The following CYP27A1 variants were observed in gnomAD, a reference collection of about 807,000 sequenced individuals.
CYP27A1 encodes cytochrome P450 family 27 subfamily A member 1.
Under a neutral mutation model 58.2 loss-of-function variants are expected in CYP27A1, and 46 were observed. The observed-to-expected ratio is 0.79, with a 90% CI of 0.62 to 1.01. The LOEUF (loss-of-function observed/expected upper bound fraction) is 1.01. Among genes scored for constraint, CYP27A1 ranks in the 50% least tolerant of loss-of-function variants. The pLI, the probability that CYP27A1 is intolerant of heterozygous loss-of-function variation, is 0.00. For missense variants in CYP27A1, 704 were observed against 687.0 expected (o/e 1.02, Z -0.28); for synonymous variants, 274 against 285.1 (o/e 0.96, Z 0.39).
intron 1 of CYP27A1, among the ~76,000 whole-genome samples, chr2:218,802,391 A>G (rs1192616378): frequency 6.6e-6 from 1 of 151,972 alleles, no homozygotes; most frequent in East Asian, 1.9e-4. Flanking sequence ...TTGTTACTCC[A>G]TGCTTTTTCC....
intron 1 of CYP27A1, among the ~76,000 whole-genome samples, chr2:218,801,255 A>G (rs1943597077): frequency 6.6e-6 from 1 of 152,236 alleles, no homozygotes; most frequent in South Asian, 2.1e-4. Flanking sequence ...TTGTAATATC[A>G]GCACTTTGGG....
chr2:218,808,038 A>T (rs533099864), intron 1 of CYP27A1, among the ~76,000 whole-genome samples: 1 of 152,312 alleles, frequency 6.6e-6, no homozygotes, highest in East Asian at 1.9e-4. Context: ...CACATAATCT[A>T]TCTTGGATAT....
In CYP27A1 at chr2:218,782,567, C is replaced by A; in HGVS notation, c.255+130C>A. On this transcript the variant is annotated intron_variant, in intron 1 of 8. Transcript: ENST00000258415. The surrounding 1 kb of genome is among the most constrained non-coding windows in gnomAD (Gnocchi z 4.1). The stretch of plus-strand genomic sequence containing the variant: ...GCTGGGGACCCACTGAGGCTATGGT[C>A]ATAAACTGGAAATCAGTAGGGAGAA... The A allele has an allele frequency of 8.4e-7, 1 of 1,190,936 alleles. No homozygotes were observed. Among genetic ancestry groups the A allele is most frequent in the Non-Finnish European group, 1.2e-6 (1 of 816,852 alleles). The allele number at this position is 1,190,936 out of a possible 1,614,324, so 73.8% of individuals were successfully genotyped here.
intron 2 of CYP27A1, among the ~76,000 whole-genome samples, chr2:218,811,060 A>AG (rs1943710252): frequency 1.3e-5 from 2 of 152,206 alleles, no homozygotes; most frequent in Admixed American, 6.5e-5. Flanking sequence ...CTGAGGCAGG[A>AG]GAATCGCTTG....
intron 1 of CYP27A1, among the ~76,000 whole-genome samples, chr2:218,783,156 C>T (rs1448377148): frequency 2.7e-5 from 4 of 147,212 alleles, no homozygotes; most frequent in Non-Finnish European, 5.9e-5. Flanking sequence ...ACTAGGGAGG[C>T]TGAGGTAGGA....
At chr2:218,787,620 G>A (rs1173502127) in intron 1 of CYP27A1, among the ~76,000 whole-genome samples, 2 of 152,304 alleles carry the variant, frequency 1.3e-5, no homozygotes, top group East Asian at 3.9e-4. Context: ...TGATTGGAAT[G>A]ATTCTGAATG....
In CYP27A1 at chr2:218,813,040, A is replaced by C. The variant is rs1329215711; in HGVS notation, c.961A>C (p.Ser321Arg). 2 of 1,614,020 alleles carry C rather than the reference A, an allele frequency of 1.2e-6. No individual in the cohort carries two copies. The highest frequency in any genetic ancestry group is 2.7e-5 in the African/African-American group (2 of 74,914). The change falls in exon 5 of 9, where the codon AGT becomes CGT. Residue 321 changes from serine to arginine, a missense_variant. By Grantham distance (110) the Ser-to-Arg change is moderately radical. Transcript: ENST00000258415. The stretch of plus-strand genomic sequence containing the variant: ...CTTCTTACTGGCCAGTGGACAGCTC[A>C]GTCCTCGGGAGGCCATGGGCAGCCT... Reference protein sequence around the residue: ...LHFLLASGQLSPREAMGSLPE... With the variant: ...LHFLLASGQLRPREAMGSLPE...
At position 218,809,693 on chromosome 2, in the gene CYP27A1, C is replaced by G. The variant is rs1279153406; in HGVS notation, c.372C>G (p.Tyr124Ter). 1 of 1,614,140 alleles carries G rather than the reference C, an allele frequency of 6.2e-7. No homozygotes were observed. The highest frequency in any genetic ancestry group is 1.7e-5 in the Admixed American group (1 of 60,010). Residue 124 changes from tyrosine to a stop codon, truncating the protein, a stop_gained, in exon 2 of 9, where the codon TAC becomes TAG. Transcript: ENST00000258415. LOFTEE classifies it high-confidence loss of function. ...AAGTGATGCGGCAAGAGGGCAAGTACCCAGTACGGAACGACATGGAGCTAT... is the reference window on the plus strand; with the variant it reads ...AAGTGATGCGGCAAGAGGGCAAGTAGCCAGTACGGAACGACATGGAGCTAT... The part of the protein sequence containing the change: ...LEQVMRQEGK[Y>*]PVRNDMELWK...
intron 8 of CYP27A1, 22 bp downstream of exon 8, chr2:218,814,779 G>A (rs1490510407): frequency 6.2e-7 from 1 of 1,613,838 alleles, no homozygotes; most frequent in Admixed American, 1.7e-5. Flanking sequence ...GAGGCTAGTA[G>A]GGTGTGTGGG....
chr2:218,798,033 C>T (rs964867869), intron 1 of CYP27A1, among the ~76,000 whole-genome samples: 6 of 152,082 alleles, frequency 3.9e-5, no homozygotes, highest in South Asian at 2.1e-4. Context: ...GACAGAGTCT[C>T]GCCCTGTCAC....
chr2:218,809,763 AC>A lies in CYP27A1; in HGVS notation c.444del (p.Thr149ArgfsTer13). On this transcript the variant is annotated frameshift_variant, in exon 2 of 9. Coordinates refer to ENST00000258415, the MANE Select transcript of CYP27A1 (RefSeq NM_000784.4). LOFTEE classifies it high-confidence loss of function. ...GCACGACCTGACCTATGGGCCGTTCACCACGTGAGCTGGGGCCTGAAGGGAC... is the reference window on the plus strand; with the variant it reads ...GCACGACCTGACCTATGGGCCGTTCACACGTGAGCTGGGGCCTGAAGGGAC... ...DQHDLTYGPF[T>X]TEGHHWYQLR... The A allele has an allele frequency of 6.2e-7, 1 of 1,612,900 alleles. No homozygotes were observed. Among genetic ancestry groups the A allele is most frequent in the East Asian group, 2.2e-5 (1 of 44,840 alleles).
chr2:218,802,678 C>A (rs1338585489), intron 1 of CYP27A1, among the ~76,000 whole-genome samples: 2 of 152,186 alleles, frequency 1.3e-5, no homozygotes, highest in African/African-American at 4.8e-5. Flanking sequence ...ATAAACCCAG[C>A]CTCTGCTCCC....
At chr2:218,786,059 G>C (rs1177602018) in intron 1 of CYP27A1, among the ~76,000 whole-genome samples, 2 of 152,216 alleles carry the variant, frequency 1.3e-5, no homozygotes, top group African/African-American at 4.8e-5. Flanking sequence ...GGCTGAGGCA[G>C]AAGGATCCCT....
At chr2:218,804,598 G>A (rs1207215508) in intron 1 of CYP27A1, among the ~76,000 whole-genome samples, 1 of 152,176 alleles carries the variant, frequency 6.6e-6, no homozygotes, top group Non-Finnish European at 1.5e-5. Context: ...AATTTTGAAA[G>A]GGAATGCATT....
chr2:218,794,820 A>T (rs941327241), intron 1 of CYP27A1, among the ~76,000 whole-genome samples: 28 of 152,192 alleles, frequency 1.8e-4, no homozygotes, highest in African/African-American at 6.3e-4. Flanking sequence ...TTCAGGATGC[A>T]TTTGAAAGGG....
chr2:218,792,348 A>G (rs1943502156), intron 1 of CYP27A1, among the ~76,000 whole-genome samples: 1 of 152,204 alleles, frequency 6.6e-6, no homozygotes, highest in African/African-American at 2.4e-5. Context: ...CAATTTCAGT[A>G]CTGGATGATT....
In CYP27A1 at chr2:218,815,041, C is replaced by T. The variant is rs776803882; in HGVS notation, c.*11C>T. On this transcript the variant is annotated 3_prime_UTR_variant, in exon 9 of 9. Coordinates refer to ENST00000258415, the MANE Select transcript of CYP27A1 (RefSeq NM_000784.4). ...CAGAGACAGTGCTGAGCTGAGTCTC[C>T]GCCTTGCTGGGGCTTGTCCTAGAGG... 4.3e-5 allele frequency: 70 copies of T among 1,613,984 alleles called. 1 individual carries two copies. In the Admixed American group the frequency reaches 6.3e-4, roughly 15 times the overall value.
At chr2:218,798,947 T>G (rs1360663668) in intron 1 of CYP27A1, among the ~76,000 whole-genome samples, 2 of 152,094 alleles carry the variant, frequency 1.3e-5, no homozygotes, top group Non-Finnish European at 2.9e-5. Flanking sequence ...TAAAGCAGAT[T>G]ACCCTCCGTA....
intron 1 of CYP27A1, among the ~76,000 whole-genome samples, chr2:218,799,658 C>T (rs1943580669): frequency 6.6e-6 from 1 of 152,108 alleles, no homozygotes; most frequent in East Asian, 1.9e-4. Context: ...ATCATGTGAG[C>T]CAATTCTGTA....
Sources: gnomAD v4.1 joint callset for allele counts (sites outside exome capture counted in the v4.1 genomes callset) on GRCh38, gnomAD v4.1.1 for gene constraint, Gnocchi (gnomAD v3.1) non-coding constraint, MANE v1.5 for transcripts, NCBI Gene and HGNC (gene_info 2026-07-23, HGNC 2026-07-21) for gene names.